Variants in MFSD2A observed in about 807,000 individuals in gnomAD.
The protein encoded by MFSD2A is MFSD2 lysolipid transporter A, lysophospholipid.
MFSD2A carries 27 observed loss-of-function variants against 64.7 expected under a neutral mutation model. The observed-to-expected ratio is 0.42, with a 90% confidence interval of 0.31 to 0.58. MFSD2A has a LOEUF of 0.58. MFSD2A is among the 20% of genes least tolerant of loss of function. MFSD2A has a pLI of 0.18. For missense variants in MFSD2A, 474 were observed against 679.5 expected (o/e 0.70, Z 3.36); for synonymous variants, 258 against 273.4 (o/e 0.94, Z 0.55).
In MFSD2A at chr1:39,958,807, T is replaced by A. The variant is rs761941076; in HGVS notation, c.335T>A (p.Leu112Gln). 1 of 1,611,696 alleles carries A rather than the reference T, an allele frequency of 6.2e-7. No homozygotes were observed. Among genetic ancestry groups the A allele is most frequent in the East Asian group, 2.2e-5 (1 of 44,854 alleles). ...ATCAGCAAATCCCCCTGGACCTGCC[T>A]GGGTCGCCTTATGCCCTGGTGAGTA... ...LCISKSPWTCLGRLMPWIIFS... is the reference protein window; with the variant it reads ...LCISKSPWTCQGRLMPWIIFS... Residue 112 changes from leucine (L) to glutamine (Q), a missense_variant, in exon 3 of 14, where the codon CTG (leucine) becomes CAG (glutamine). Coordinates refer to ENST00000372811, the MANE Select transcript of MFSD2A (RefSeq NM_032793.5). The surrounding 1 kb of genome is among the most constrained non-coding windows in gnomAD (Gnocchi z 4.7).
In MFSD2A at chr1:39,965,662, T is replaced by A; in HGVS notation, c.556+113T>A. 1 of 1,291,874 alleles carries A rather than the reference T, an allele frequency of 7.7e-7. No individual in the cohort carries two copies. Among genetic ancestry groups the A allele is most frequent in the Non-Finnish European group, 1.1e-6 (1 of 904,880 alleles). The allele number at this position is 1,291,874 out of a possible 1,614,324, so 80.0% of individuals were successfully genotyped here. On this transcript the variant is annotated intron_variant, in intron 5 of 13. Coordinates refer to ENST00000372811, the MANE Select transcript of MFSD2A (RefSeq NM_032793.5). The surrounding 1 kb of genome is among the most constrained non-coding windows in gnomAD (Gnocchi z 5.5). Reference sequence around the variant, plus strand: ...CTAGAGTGTGGGTGTGAAACCATCTTAAAAATAACTCAATCCCCTTATTGC... The same window carrying A: ...CTAGAGTGTGGGTGTGAAACCATCTAAAAAATAACTCAATCCCCTTATTGC...
At chr1:39,961,174 C>T (rs575280435) in intron 3 of MFSD2A, among the ~76,000 whole-genome samples, 1 of 152,126 alleles carries the variant, frequency 6.6e-6, no homozygotes, top group East Asian at 1.9e-4. Flanking sequence ...AGACCTGGAA[C>T]CCCCTTTCCT....
rs1215904322 is a variant in MFSD2A, at chr1:39,964,193, T to A, written c.354-1018T>A. 6.6e-6 allele frequency: 1 copy of A among 152,322 alleles called. No individual in the cohort carries two copies. The highest frequency in any genetic ancestry group is 1.9e-4 in the East Asian group (1 of 5,204). 9.4% of individuals were successfully genotyped at this position (152,322 alleles called of 1,614,324 possible). On this transcript the variant is annotated intron_variant, in intron 3 of 13. Coordinates refer to ENST00000372811, the MANE Select transcript of MFSD2A (RefSeq NM_032793.5). The surrounding 1 kb of genome is among the most constrained non-coding windows in gnomAD (Gnocchi z 4.1). Reference sequence around the variant, plus strand: ...GTTGTAGCATGTGTCAGAATTTTATTCCTTATGAAGGTTGAATGGTATATA... The same window carrying A: ...GTTGTAGCATGTGTCAGAATTTTATACCTTATGAAGGTTGAATGGTATATA...
Position 39,967,183 on chromosome 1 carries a change from G to T in MFSD2A, c.1011+14G>T. ...CTGGCCATCATGGTGAGTGGGACCT[G>T]AGCAGGGGCGGGCAGCCTGGGCTGA... On this transcript the variant is annotated intron_variant, in intron 9 of 13. Coordinates refer to ENST00000372811, the MANE Select transcript of MFSD2A (RefSeq NM_032793.5). The T allele has an allele frequency of 6.2e-7, 1 of 1,612,646 alleles. No individual in the cohort carries two copies. Among genetic ancestry groups the T allele is most frequent in the South Asian group, 1.1e-5 (1 of 90,942 alleles).
Position 39,968,854 on chromosome 1 carries a change from T to A in MFSD2A, c.1529+109T>A. 8.2e-7 allele frequency: 1 copy of A among 1,216,830 alleles called. No homozygotes were observed. The highest frequency in any genetic ancestry group is 1.2e-6 in the Non-Finnish European group (1 of 864,846). 75.4% of individuals were successfully genotyped at this position (1,216,830 alleles called of 1,614,324 possible). A position where few individuals can be genotyped will look rare whatever the true frequency, so the allele number is the denominator to read the frequency against. On this transcript the variant is annotated intron_variant, in intron 13 of 13. Coordinates refer to ENST00000372811, the MANE Select transcript of MFSD2A (RefSeq NM_032793.5). The surrounding 1 kb of genome is among the most constrained non-coding windows in gnomAD (Gnocchi z 4.4). ...AGACTCACCCCCCACACATCTTCTCTGGACAGCTGTAACACTTAAGTACGC... is the reference window on the plus strand; with the variant it reads ...AGACTCACCCCCCACACATCTTCTCAGGACAGCTGTAACACTTAAGTACGC...
intron 2 of MFSD2A, 55 bp downstream of exon 2, chr1:39,957,276 A>G (rs1469424494): frequency 1.3e-6 from 2 of 1,497,810 alleles, no homozygotes; most frequent in Non-Finnish European, 1.8e-6. Flanking sequence ...GGGAAAGACT[A>G]TGCACCCCTG....
chr1:39,965,873 G>A lies in MFSD2A; in HGVS notation c.573G>A (p.Val191=). 3.1e-6 allele frequency: 5 copies of A among 1,613,950 alleles called. No homozygotes were observed. Among genetic ancestry groups the A allele is most frequent in the Non-Finnish European group, 4.2e-6 (5 of 1,180,022 alleles). The change falls in exon 6 of 14, where the codon GTG becomes GTA. Residue 191 remains valine, a synonymous_variant. Transcript: ENST00000372811. This position sits in a 1 kb window ranked among gnomAD's most constrained non-coding sequence, Gnocchi z 5.5. The part of the protein sequence containing the change: ...SATAYRMTVE[V]LGTVLGTAIQ... ...TCCTGCCAGGGATGACTGTGGAAGT[G>A]CTGGGCACAGTGCTGGGCACGGCGA...
intron 13 of MFSD2A, among the ~76,000 whole-genome samples, 183 bp from the exon 14 acceptor site, chr1:39,969,322 G>A (rs527718366): frequency 3.5e-5 from 4 of 113,156 alleles, no homozygotes; most frequent in African/African-American, 1.4e-4. Flanking sequence ...GCAGTACCCT[G>A]TGTGCAGCAA....
At position 39,966,821 on chromosome 1, in the gene MFSD2A, A is replaced by G. The variant is rs1210234132; in HGVS notation, c.816A>G (p.Glu272=). The G allele has an allele frequency of 1.2e-6, 2 of 1,614,010 alleles. No homozygotes were observed. Among genetic ancestry groups the G allele is most frequent in the Admixed American group, 1.7e-5 (1 of 60,014 alleles). ...CGCTCTGGCCCCCAGAACCCTATGA[A>G]GCCCAGCAGTCTGAGCCAATCGCCT... The part of the protein sequence containing the change: ...LGVREQREPY[E]AQQSEPIAYF... Residue 272 remains glutamate, a synonymous_variant, in exon 8 of 14, where the codon GAA becomes GAG. Transcript: ENST00000372811.
rs374290503 is a variant in MFSD2A, at chr1:39,967,193, G to C, written c.1011+24G>C. ...TGGTGAGTGGGACCTGAGCAGGGGC[G>C]GGCAGCCTGGGCTGAGGTGACATAG... On this transcript the variant is annotated intron_variant, in intron 9 of 13. Coordinates refer to ENST00000372811, the MANE Select transcript of MFSD2A (RefSeq NM_032793.5). 6.3e-6 allele frequency: 10 copies of C among 1,599,390 alleles called. No individual in the cohort carries two copies. The African/African-American group carries it at 6.7e-5, about 11-fold the overall frequency.
chr1:39,965,568 C>T lies in MFSD2A; in HGVS notation c.556+19C>T, dbSNP rs781501737. ...GCCTATCGTGAGTCTCCCCAGCCCA[C>T]CTGACCCCACCCTCCAGGGACCCTC... On this transcript the variant is annotated intron_variant, in intron 5 of 13. Transcript: ENST00000372811. The surrounding 1 kb of genome is among the most constrained non-coding windows in gnomAD (Gnocchi z 5.5). The T allele has an allele frequency of 1.9e-6, 3 of 1,612,754 alleles. No individual in the cohort carries two copies. In the Admixed American group the frequency reaches 5.0e-5, roughly 27 times the overall value.
intron 3 of MFSD2A, chr1:39,962,593 G>C: frequency 2.7e-6 from 2 of 735,142 alleles, no homozygotes; most frequent in Non-Finnish European, 4.6e-6. Context: ...GGCCCTGGTG[G>C]CCCTGGGATG....
At position 39,968,820 on chromosome 1, in the gene MFSD2A, GCCAAGT is replaced by G; in HGVS notation, c.1529+79_1529+84del. The stretch of plus-strand genomic sequence containing the variant: ...AAACCCTCAATTTGTGTCTCCTGTG[GCCAAGT>G]CCAGACTCACCCCCCACACATCTTC... On this transcript the variant is annotated intron_variant, in intron 13 of 13. Coordinates refer to ENST00000372811, the MANE Select transcript of MFSD2A (RefSeq NM_032793.5). The surrounding 1 kb of genome is among the most constrained non-coding windows in gnomAD (Gnocchi z 4.4). The G allele has an allele frequency of 6.5e-7, 1 of 1,530,920 alleles. No individual in the cohort carries two copies. The highest frequency in any genetic ancestry group is 8.9e-7 in the Non-Finnish European group (1 of 1,123,502). The allele number at this position is 1,530,920 out of a possible 1,614,324, so 94.8% of individuals were successfully genotyped here.
rs1036418450 is a variant in MFSD2A at position 39,960,502 on chromosome 1, C to T, written c.353+1677C>T. ...CAGGCTGCTCAGGGCTCCCCCGGCGCCAGCCCGTGAGACTTGGCCCTGTGC... is the reference window on the plus strand; with the variant it reads ...CAGGCTGCTCAGGGCTCCCCCGGCGTCAGCCCGTGAGACTTGGCCCTGTGC... On this transcript the variant is annotated intron_variant, in intron 3 of 13. Transcript: ENST00000372811. The surrounding 1 kb of genome is among the most constrained non-coding windows in gnomAD (Gnocchi z 4.8). Among the ~76,000 whole-genome samples, 1 of 152,336 alleles carries T rather than the reference C, an allele frequency of 6.6e-6. No individual in the cohort carries two copies.
In MFSD2A at chr1:39,969,357, G is replaced by A. The variant is rs79023225; in HGVS notation, c.1530-148G>A. 4.1e-3 allele frequency: 2,561 copies of A among 626,530 alleles called. 51 individuals are homozygous for A. Among genetic ancestry groups the A allele is most frequent in the African/African-American group, 0.038 (2,013 of 52,676 alleles). The allele number at this position is 626,530 out of a possible 1,614,324, so 38.8% of individuals were successfully genotyped here. On this transcript the variant is annotated intron_variant, in intron 13 of 13. Transcript: ENST00000372811. ...AGGACAGTAAACAGACCAACCAACA[G>A]TTGAAAGTGGGAGTGAGCAAACTCT...
At position 39,968,552 on chromosome 1, in the gene MFSD2A, C is replaced by T. The variant is rs746375046; in HGVS notation, c.1353-17C>T. ...GTGCCCCATCTTCACCGTTCTCCTACCCCCTGGGTCCCATAGCTTTGCAGG... is the reference window on the plus strand; with the variant it reads ...GTGCCCCATCTTCACCGTTCTCCTATCCCCTGGGTCCCATAGCTTTGCAGG... On this transcript the variant is annotated splice_polypyrimidine_tract_variant and intron_variant, in intron 12 of 13. Coordinates refer to ENST00000372811, the MANE Select transcript of MFSD2A (RefSeq NM_032793.5). The surrounding 1 kb of genome is among the most constrained non-coding windows in gnomAD (Gnocchi z 4.4). 4 of 1,613,748 alleles carry T rather than the reference C, an allele frequency of 2.5e-6. No homozygotes were observed. Among genetic ancestry groups the T allele is most frequent in the South Asian group, 2.2e-5 (2 of 91,084 alleles).
chr1:39,964,778 A>G lies in MFSD2A; in HGVS notation c.354-433A>G. 2.4e-5 allele frequency: 4 copies of G among 168,566 alleles called. No individual in the cohort carries two copies. Among genetic ancestry groups the G allele is most frequent in the Non-Finnish European group, 3.6e-5 (3 of 83,122 alleles). The allele number at this position is 168,566 out of a possible 1,614,324, so 10.4% of individuals were successfully genotyped here. The stretch of plus-strand genomic sequence containing the variant: ...GTGAATGGGGTGTGTGTGTGTGTGA[A>G]TGAGGTGTGTGTGTGAATGGGGTGT... On this transcript the variant is annotated intron_variant, in intron 3 of 13. Coordinates refer to ENST00000372811, the MANE Select transcript of MFSD2A (RefSeq NM_032793.5). This position sits in a 1 kb window ranked among gnomAD's most constrained non-coding sequence, Gnocchi z 4.1.
intron 8 of MFSD2A, 45 bp from the exon 9 acceptor site, chr1:39,967,041 C>T: frequency 6.2e-7 from 1 of 1,611,004 alleles, no homozygotes; most frequent in Non-Finnish European, 8.5e-7. Context: ...GCCCCAACAT[C>T]ACCTCCTTCC....
Position 39,959,930 on chromosome 1 carries a change from C to T in MFSD2A, c.353+1105C>T, listed in dbSNP as rs546799038. ...AGACTTCAGGCCCAGCCTGCTGCAT[C>T]TCTACCTCCATGTGGGACCCTCCAA... On this transcript the variant is annotated intron_variant, in intron 3 of 13. Coordinates refer to ENST00000372811, the MANE Select transcript of MFSD2A (RefSeq NM_032793.5). Among the ~76,000 whole-genome samples, 142 of 152,354 alleles carry T rather than the reference C, an allele frequency of 9.3e-4. 2 individuals carry two copies. The highest frequency in any genetic ancestry group is 3.4e-3 in the African/African-American group (140 of 41,582).
Sources: allele counts gnomAD v4.1 joint callset (sites outside exome capture counted in the v4.1 genomes callset), GRCh38; gene constraint gnomAD v4.1.1; non-coding constraint Gnocchi (gnomAD v3.1); transcripts MANE v1.5; gene names NCBI Gene and HGNC (gene_info 2026-07-23, HGNC 2026-07-21).